WDR93: variants seen among roughly 807,000 people sequenced by gnomAD.
WDR93 encodes the protein WD repeat domain 93, also known as WD repeat-containing protein 93.
A neutral mutation model predicts 82.9 loss-of-function variants in WDR93; 73 were observed. That is an observed-to-expected ratio of 0.88 (90% CI 0.73 to 1.07). The LOEUF (loss-of-function observed/expected upper bound fraction) is 1.07. Ranked by LOEUF, WDR93 falls within the 50% of genes least tolerant of loss-of-function variation. The pLI is 0.00. For synonymous variants in WDR93, 283 were observed against 300.1 expected, an observed-to-expected ratio of 0.94 and a Z score of 0.59; for missense variants, 738 against 826.0, an observed-to-expected ratio of 0.89 and a Z score of 1.31.
At chr15:89,713,198 A>G (rs1966081433) in intron 5 of WDR93, among the ~76,000 whole-genome samples, 1 of 151,944 alleles carries the variant, frequency 6.6e-6, no homozygotes, top group Non-Finnish European at 1.5e-5. Context: ...ACATGTGTTA[A>G]AACCACCACA....
intron 6 of WDR93, among the ~76,000 whole-genome samples, 153 bp from the exon 7 acceptor site, chr15:89,716,758 C>T (rs1339752732): frequency 6.6e-6 from 1 of 152,140 alleles, no homozygotes; most frequent in Non-Finnish European, 1.5e-5. Context: ...TTCTGCAGGC[C>T]AGAGGCCCAC....
intron 15 of WDR93, 126 bp downstream of exon 15, chr15:89,737,855 C>A: frequency 2.1e-6 from 3 of 1,413,390 alleles, no homozygotes; most frequent in African/African-American, 1.4e-5. Flanking sequence ...CCAAAGGGTA[C>A]CGCAGCTCAG....
chr15:89,702,067 G>C lies in WDR93; in HGVS notation c.303+18G>C, dbSNP rs4306477. 699,318 of 1,582,292 alleles carry C rather than the reference G, an allele frequency of 0.44. 157,516 individuals carry two copies. The highest frequency in any genetic ancestry group is 0.5 in the African/African-American group (36,981 of 74,114). On this transcript the variant is annotated intron_variant, in intron 2 of 16. Transcript: ENST00000268130. ...AAATCCAGGTATGGAGTAAGCAGTT[G>C]ACCAGGAGCCCCTGTTTCTCAGTTG...
In WDR93 at chr15:89,743,604, G is replaced by T; in HGVS notation, c.*213G>T. 1.7e-6 allele frequency: 1 copy of T among 581,476 alleles called. No homozygotes were observed. The highest frequency in any genetic ancestry group is 2.1e-5 in the South Asian group (1 of 48,722). 36.0% of individuals were successfully genotyped at this position (581,476 alleles called of 1,614,324 possible). A position where few individuals can be genotyped will look rare whatever the true frequency, so the allele number is the denominator to read the frequency against. On this transcript the variant is annotated 3_prime_UTR_variant, in exon 17 of 17. Transcript: ENST00000268130. ...TGTCAGAGCCCTCAGGCAGGCAGAT[G>T]TGTCACCCAAATAAACAGTGATATT...
At chr15:89,697,014 G>A (rs1204768492) in intron 1 of WDR93, among the ~76,000 whole-genome samples, 1 of 151,816 alleles carries the variant, frequency 6.6e-6, no homozygotes, top group Non-Finnish European at 1.5e-5. Context: ...TGTTACTCAG[G>A]CTGTAGTGCA....
chr15:89,715,979 CCAA>C (rs1195714262), intron 6 of WDR93, among the ~76,000 whole-genome samples: 2 of 152,114 alleles, frequency 1.3e-5, no homozygotes, highest in Admixed American at 1.3e-4. Context: ...TTTTAAACCA[CCAA>C]CATTAATATA....
Position 89,733,070 on chromosome 15 carries a change from A to G in WDR93, c.1395A>G (p.Lys465=), listed in dbSNP as rs1966889955. 1.2e-6 allele frequency: 2 copies of G among 1,613,982 alleles called. No homozygotes were observed. Among genetic ancestry groups the G allele is most frequent in the Non-Finnish European group, 1.7e-6 (2 of 1,180,042 alleles). The change falls in exon 13 of 17, where the codon AAA becomes AAG. Residue 465 remains lysine (K), a synonymous_variant. Transcript: ENST00000268130. ...GCFCQSIHFL[K]YFSVHKGQNM... is the part of the protein sequence containing the mutation. The stretch of plus-strand genomic sequence containing the variant: ...TCTGCCAAAGCATTCACTTCCTAAA[A>G]TATTTCTCGGTCCACAAAGGACAGA...
At chr15:89,727,477 A>G in intron 9 of WDR93, 149 bp downstream of exon 9, 1 of 919,256 alleles carries the variant, frequency 1.1e-6, no homozygotes, top group Non-Finnish European at 1.6e-6. Flanking sequence ...TGTAATCCCT[A>G]CACTTTGGGA....
chr15:89,735,653 T>C (rs551608484), intron 14 of WDR93, 100 bp downstream of exon 14: 1 of 1,257,306 alleles, frequency 8.0e-7, no homozygotes, highest in Non-Finnish European at 1.2e-6. Flanking sequence ...GAAGGCCTGT[T>C]ATGTGTTAGG....
chr15:89,731,613 T>A (rs774030526), intron 12 of WDR93, 51 bp downstream of exon 12: 9 of 1,610,818 alleles, frequency 5.6e-6, no homozygotes, highest in East Asian at 2.2e-5. Context: ...CTCTGGGCAA[T>A]GAGTCTGGGA....
At position 89,729,112 on chromosome 15, in the gene WDR93, G is replaced by T. The variant is rs779908864; in HGVS notation, c.1123+19G>T. 1.9e-6 allele frequency: 3 copies of T among 1,611,988 alleles called. No homozygotes were observed. Among genetic ancestry groups the T allele is most frequent in the Non-Finnish European group, 2.5e-6 (3 of 1,178,260 alleles). ...CCCTCAGGTAAATGAACATGAAGTGGGTGGTTGTCCTAGCAAGGAGTCACC... is the reference window on the plus strand; with the variant it reads ...CCCTCAGGTAAATGAACATGAAGTGTGTGGTTGTCCTAGCAAGGAGTCACC... On this transcript the variant is annotated intron_variant, in intron 10 of 16. Coordinates refer to ENST00000268130, the MANE Select transcript of WDR93 (RefSeq NM_020212.2).
chr15:89,694,554 TG>T (rs1965072340), intron 1 of WDR93, among the ~76,000 whole-genome samples: 1 of 152,202 alleles, frequency 6.6e-6, no homozygotes, highest in Non-Finnish European at 1.5e-5. Flanking sequence ...CTTTTATTAC[TG>T]AGTTTTGAGA....
chr15:89,701,920 A>C lies in WDR93; in HGVS notation c.174A>C (p.Arg58=), dbSNP rs149724240. The part of the protein sequence containing the change: ...EELDSLPQPY[R]MINKLVNLLF... ...TGGATTCCTTGCCTCAGCCTTATCG[A>C]ATGATCAACAAGCTGGTGAACCTTC... The change falls in exon 2 of 17, where the codon CGA becomes CGC. Residue 58 remains arginine (R), a synonymous_variant. Transcript: ENST00000268130. 2 of 1,614,054 alleles carry C rather than the reference A, an allele frequency of 1.2e-6. No individual in the cohort carries two copies. The highest frequency in any genetic ancestry group is 1.7e-6 in the Non-Finnish European group (2 of 1,180,040).
Position 89,733,160 on chromosome 15 carries a change from C to T in WDR93, c.1485C>T (p.Ser495=). 1 of 1,614,146 alleles carries T rather than the reference C, an allele frequency of 6.2e-7. No individual in the cohort carries two copies. The highest frequency in any genetic ancestry group is 1.6e-4 in the Middle Eastern group (1 of 6,062). The stretch of plus-strand genomic sequence containing the variant: ...GTGTGGTGCTGTGCACAGACGCCTC[C>T]CTCCATCTGGTGGAGGCTAGCGGGA... ...MKCVVLCTDA[S]LHLVEASGTQ... The change falls in exon 13 of 17, where the codon TCC becomes TCT. Residue 495 remains serine (S), a synonymous_variant. Coordinates refer to ENST00000268130, the MANE Select transcript of WDR93 (RefSeq NM_020212.2).
In WDR93 at chr15:89,701,751, C is replaced by A. The variant is rs1189967359; in HGVS notation, c.5C>A (p.Ser2Ter). M[S>*]FPRGSQTQKI... ...TTCCCAGTGCCACCTTCTGTGATGT[C>A]ATTCCCAAGAGGAAGTCAGACCCAG... is the stretch of plus-strand genomic sequence containing the variant. Residue 2 changes from serine (S) to a stop codon, truncating the protein, a stop_gained, in exon 2 of 17, where the codon TCA (serine) becomes TAA (stop). Coordinates refer to ENST00000268130, the MANE Select transcript of WDR93 (RefSeq NM_020212.2). LOFTEE classifies it high-confidence loss of function. 6.2e-7 allele frequency: 1 copy of A among 1,608,356 alleles called. No homozygotes were observed. The highest frequency in any genetic ancestry group is 1.1e-5 in the South Asian group (1 of 90,894).
At chr15:89,729,588 T>C (rs1425566475) in intron 10 of WDR93, 95 bp from the exon 11 acceptor site, 1 of 918,534 alleles carries the variant, frequency 1.1e-6, no homozygotes, top group Non-Finnish European at 1.7e-6. Context: ...CAAACCAGCT[T>C]CTCTTGGGCA....
intron 6 of WDR93, among the ~76,000 whole-genome samples, chr15:89,716,611 C>T (rs555702882): frequency 6.6e-6 from 1 of 152,274 alleles, no homozygotes; most frequent in Admixed American, 6.5e-5. Context: ...AAATATTTGC[C>T]TCAATTTGGA....
At chr15:89,709,932 G>A (rs7495698) in intron 4 of WDR93, among the ~76,000 whole-genome samples, 6,410 of 151,788 alleles carry the variant, frequency 0.042, 446 homozygotes, top group African/African-American at 0.14. Flanking sequence ...AGGCTGAGGC[G>A]GGCGGATCAC....
chr15:89,719,808 C>CTTTTTTTT (rs570342709), intron 7 of WDR93, among the ~76,000 whole-genome samples: 1 of 144,770 alleles, frequency 6.9e-6, no homozygotes. Context: ...TTCTTTTTTT[C>CTTTTTTTT]TTTTTTTTTT....
Sources: gnomAD v4.1 joint callset for allele counts (sites outside exome capture counted in the v4.1 genomes callset) on GRCh38, gnomAD v4.1.1 for gene constraint, MANE v1.5 for transcripts, NCBI Gene and HGNC (gene_info 2026-07-23, HGNC 2026-07-21) for gene names.